Variants in ARHGAP21 observed in about 807,000 individuals in gnomAD.
ARHGAP21 encodes the protein Rho GTPase activating protein 21.
In ARHGAP21, 38 loss-of-function variants were observed where a neutral mutation model predicts 164.6. The ratio of observed to expected loss-of-function variants is 0.23; its 90% CI spans 0.18 to 0.30. ARHGAP21 has a LOEUF of 0.30. Among genes scored for constraint, ARHGAP21 ranks in the 10% least tolerant of loss-of-function variants. ARHGAP21 has a pLI of 1.00. For synonymous variants in ARHGAP21, 766 were observed against 857.9 expected, an observed-to-expected ratio of 0.89 and a Z score of 1.87; for missense variants, 1,822 against 2,370.7, an observed-to-expected ratio of 0.77 and a Z score of 4.81.
At chr10:24,603,077 G>A (rs2076880607) in intron 12 of ARHGAP21, among the ~76,000 whole-genome samples, 1 of 152,152 alleles carries the variant, frequency 6.6e-6, no homozygotes, top group African/African-American at 2.4e-5. Flanking sequence ...CAGGAAGGAG[G>A]TCAAGGATAG....
intron 2 of ARHGAP21, among the ~76,000 whole-genome samples, chr10:24,715,414 A>T (rs537396437): frequency 1.5e-4 from 23 of 152,332 alleles, no homozygotes; most frequent in Admixed American, 1.4e-3. Context: ...AAGAAATAAA[A>T]CATCATCCAT....
At chr10:24,701,468 A>G (rs759433083) in intron 2 of ARHGAP21, among the ~76,000 whole-genome samples, 2 of 152,226 alleles carry the variant, frequency 1.3e-5, no homozygotes, top group Admixed American at 6.5e-5. Context: ...TCCCTTTGTA[A>G]TATCTTAAAT....
intron 9 of ARHGAP21, among the ~76,000 whole-genome samples, chr10:24,608,792 T>TA (rs1565001932): frequency 1.3e-5 from 2 of 152,142 alleles, no homozygotes; most frequent in African/African-American, 4.8e-5. Flanking sequence ...AGCAGCTCTT[T>TA]ACATTTTAGG....
At chr10:24,669,110 TAC>T (rs1840463976) in intron 3 of ARHGAP21, among the ~76,000 whole-genome samples, 2 of 152,116 alleles carry the variant, frequency 1.3e-5, no homozygotes, top group Non-Finnish European at 2.9e-5. Context: ...AGCAATTATT[TAC>T]AATCCTTAAA....
At chr10:24,607,278 G>A (rs1592999523) in intron 11 of ARHGAP21, among the ~76,000 whole-genome samples, 1 of 152,186 alleles carries the variant, frequency 6.6e-6, no homozygotes, top group African/African-American at 2.4e-5. Context: ...AATGGCTGCA[G>A]TTTCTAGGAT....
chr10:24,646,606 T>C (rs1837597303), intron 4 of ARHGAP21, among the ~76,000 whole-genome samples: 1 of 152,060 alleles, frequency 6.6e-6, no homozygotes, highest in African/African-American at 2.4e-5. Flanking sequence ...AATGAGACCC[T>C]GTATTTAAGG....
intron 2 of ARHGAP21, among the ~76,000 whole-genome samples, chr10:24,717,333 C>T (rs1845481666): frequency 6.6e-6 from 1 of 152,168 alleles, no homozygotes; most frequent in South Asian, 2.1e-4. Context: ...TATCACCTGA[C>T]ACTTACTATG....
chr10:24,615,975 A>G (rs1330363199), intron 9 of ARHGAP21, among the ~76,000 whole-genome samples: 1 of 151,790 alleles, frequency 6.6e-6, no homozygotes, highest in East Asian at 1.9e-4. Context: ...ATGGAGTTTC[A>G]CTGTGTTGGC....
chr10:24,591,150 T>A, intron 24 of ARHGAP21, 75 bp downstream of exon 24: 1 of 1,250,224 alleles, frequency 8.0e-7, no homozygotes, highest in Non-Finnish European at 1.1e-6. Context: ...CAATTCACTA[T>A]GATTGATTTG....
At chr10:24,618,803 T>C (rs2131157538) in intron 9 of ARHGAP21, among the ~76,000 whole-genome samples, 1 of 152,060 alleles carries the variant, frequency 6.6e-6, no homozygotes, top group South Asian at 2.1e-4. Flanking sequence ...TTGGGTGAGA[T>C]GAATGGGAAG....
intron 2 of ARHGAP21, among the ~76,000 whole-genome samples, chr10:24,689,798 ATGTATATGTATG>A (rs1842544599): frequency 6.7e-6 from 1 of 150,140 alleles, no homozygotes; most frequent in Non-Finnish European, 1.5e-5. Flanking sequence ...ATATGTATAT[ATGTATATGTATG>A]TGTATATATA....
chr10:24,692,025 T>C (rs1400760203), intron 2 of ARHGAP21, among the ~76,000 whole-genome samples: 1 of 152,212 alleles, frequency 6.6e-6, no homozygotes, highest in Non-Finnish European at 1.5e-5. Context: ...CAGATCCACC[T>C]GAAGAGACAA....
chr10:24,705,632 C>T (rs1259757120), intron 2 of ARHGAP21, among the ~76,000 whole-genome samples: 8 of 152,188 alleles, frequency 5.3e-5, no homozygotes, highest in Non-Finnish European at 1.5e-5. Flanking sequence ...GGTCAGTGTG[C>T]TTTATTTATC....
chr10:24,696,436 C>T (rs1289603336), intron 2 of ARHGAP21, among the ~76,000 whole-genome samples: 2 of 152,136 alleles, frequency 1.3e-5, no homozygotes, highest in African/African-American at 2.4e-5. Context: ...GAAGAGAGCC[C>T]GTTTTCGCCA....
In ARHGAP21 at chr10:24,621,139, T is replaced by A. The variant is rs776956074; in HGVS notation, c.756A>T (p.Pro252=). The change falls in exon 9 of 26, where the codon CCA becomes CCT. Residue 252 remains proline, a synonymous_variant. Transcript: ENST00000396432. ...TTGATTTTGCAACATCTGTTGGTGA[T>A]GGAGGCACTTGTATTTCCATTCTAT... ...RAYRMEIQVP[P]SPTDVAKSNT... 3.1e-6 allele frequency: 5 copies of A among 1,613,598 alleles called. No individual in the cohort carries two copies. The highest frequency in any genetic ancestry group is 4.2e-6 in the Non-Finnish European group (5 of 1,179,536).
intron 24 of ARHGAP21, chr10:24,589,594 T>A: frequency 6.1e-6 from 2 of 330,026 alleles, no homozygotes; most frequent in South Asian, 9.4e-5. Context: ...ACTTTCTAAA[T>A]ATTAAATCTA....
intron 4 of ARHGAP21, among the ~76,000 whole-genome samples, chr10:24,661,745 C>CA (rs1839711325): frequency 1.3e-5 from 2 of 152,316 alleles, no homozygotes; most frequent in South Asian, 4.1e-4. Flanking sequence ...AGATAAAAAT[C>CA]ATAACATTCT....
At chr10:24,702,124 G>GTTTT (rs1464343192) in intron 2 of ARHGAP21, among the ~76,000 whole-genome samples, 2 of 90,918 alleles carry the variant, frequency 2.2e-5, no homozygotes, top group Non-Finnish European at 4.4e-5. Flanking sequence ...AATACTTCCG[G>GTTTT]TTCTTTTTTT....
At chr10:24,653,153 G>C (rs1417719505) in intron 4 of ARHGAP21, among the ~76,000 whole-genome samples, 3 of 152,184 alleles carry the variant, frequency 2.0e-5, no homozygotes, top group Non-Finnish European at 4.4e-5. Context: ...ATACACCCAT[G>C]TAACCACTAC....
Sources: gnomAD v4.1 joint callset for allele counts (sites outside exome capture counted in the v4.1 genomes callset) on GRCh38, gnomAD v4.1.1 for gene constraint, MANE v1.5 for transcripts, NCBI Gene and HGNC (gene_info 2026-07-23, HGNC 2026-07-21) for gene names.